The following CADM2 variants were observed in gnomAD, a reference collection of about 807,000 sequenced individuals.
CADM2 encodes immunoglobulin superfamily member 4D.
In CADM2, 12 loss-of-function variants were observed where a neutral mutation model predicts 49.8. That is an observed-to-expected ratio of 0.24 (90% confidence interval 0.15 to 0.39). The LOEUF is 0.39. Ranked by LOEUF, CADM2 falls within the 10% of genes least tolerant of loss-of-function variation. The pLI, the probability that CADM2 is intolerant of heterozygous loss-of-function variation, is 1.00. For missense variants in CADM2, 378 were observed against 492.3 expected, an observed-to-expected ratio of 0.77 and a Z score of 2.20; for synonymous variants, 214 against 175.4, an observed-to-expected ratio of 1.22 and a Z score of -1.74.
At chr3:85,865,270 G>A (rs367688516) in intron 3 of CADM2, among the ~76,000 whole-genome samples, 36 of 152,236 alleles carry the variant, frequency 2.4e-4, no homozygotes, top group African/African-American at 8.7e-4. Flanking sequence ...TCACTCCCTC[G>A]GAACAAACTT....
chr3:85,308,890 T>C (rs764743575), intron 1 of CADM2, among the ~76,000 whole-genome samples: 7 of 152,114 alleles, frequency 4.6e-5, no homozygotes, highest in Non-Finnish European at 8.8e-5. Flanking sequence ...AATAGAAGGA[T>C]ATCCTTAGCA....
chr3:85,538,153 G>T (rs190423132), intron 1 of CADM2, among the ~76,000 whole-genome samples: 55 of 152,192 alleles, frequency 3.6e-4, no homozygotes, highest in Non-Finnish European at 6.6e-4. Context: ...GGGTTATGTG[G>T]TGAATATTTA....
intron 2 of CADM2, among the ~76,000 whole-genome samples, chr3:85,769,988 C>CA (rs148480114): frequency 0.054 from 8,086 of 150,680 alleles, 373 homozygotes; most frequent in East Asian, 0.19. Context: ...ATATATGATT[C>CA]AAAAAACAAA....
intron 1 of CADM2, among the ~76,000 whole-genome samples, chr3:84,998,793 T>C (rs2033308135): frequency 6.6e-6 from 1 of 152,140 alleles, no homozygotes; most frequent in Non-Finnish European, 1.5e-5. Context: ...TTTGCTAATC[T>C]CAATTTGGCA....
In CADM2 at chr3:85,543,520, G is replaced by A. The variant is rs184939176; in HGVS notation, c.62-183002G>A. Among the ~76,000 whole-genome samples, 11 of 151,466 alleles carry A rather than the reference G, an allele frequency of 7.3e-5. No individual in the cohort carries two copies. In the East Asian group the frequency reaches 2.0e-3, roughly 27 times the overall value. Reference sequence around the variant, plus strand: ...GCTGGTCTCAATCTCCTGACCTCAGGCAATCCACCTGCCTTGGCCTCCCAA... The same window carrying A: ...GCTGGTCTCAATCTCCTGACCTCAGACAATCCACCTGCCTTGGCCTCCCAA... On this transcript the variant is annotated intron_variant, in intron 1 of 9. Coordinates refer to ENST00000383699, the MANE Select transcript of CADM2 (RefSeq NM_001167675.2).
chr3:85,263,269 A>T lies in CADM2; in HGVS notation c.61+303601A>T, dbSNP rs148903011. On this transcript the variant is annotated intron_variant, in intron 1 of 9. Transcript: ENST00000383699. ...TGGCCTCCCAAAGTGCTAGAATTACAGACATAAGCCACCGCACCCAGCCTG... is the reference window on the plus strand; with the variant it reads ...TGGCCTCCCAAAGTGCTAGAATTACTGACATAAGCCACCGCACCCAGCCTG... Among the ~76,000 whole-genome samples, 320 of 152,242 alleles carry T rather than the reference A, an allele frequency of 2.1e-3. 4 individuals carry two copies. The highest frequency in any genetic ancestry group is 0.017 in the Admixed American group (262 of 15,272).
rs752550127 is a variant in CADM2 at position 85,897,241 on chromosome 3, C to CTTTTTTTTTTTTTTTTTTTTTTTT, written c.529+10930_529+10953dup. Among the ~76,000 whole-genome samples the CTTTTTTTTTTTTTTTTTTTTTTTT allele has an allele frequency of 6.5e-5, 3 of 45,924 alleles. 1 individual carries two copies. Among genetic ancestry groups the CTTTTTTTTTTTTTTTTTTTTTTTT allele is most frequent in the Non-Finnish European group, 9.1e-5 (2 of 21,886 alleles). The allele number at this position is 45,924 out of a possible 152,430, so 30.1% of individuals were successfully genotyped here. Reference sequence around the variant, plus strand: ...CAACAATAATTGCTTTAACCTACATCTTTTTTTTTTTTTTTTTTTTTTTTT... The same window carrying CTTTTTTTTTTTTTTTTTTTTTTTT: ...CAACAATAATTGCTTTAACCTACATCTTTTTTTTTTTTTTTTTTTTTTTTTTTTTTTTTTTTTTTTTTTTTTTTT... On this transcript the variant is annotated intron_variant, in intron 5 of 9. Transcript: ENST00000383699.
intron 1 of CADM2, among the ~76,000 whole-genome samples, chr3:85,464,042 G>A (rs1216475004): frequency 6.6e-6 from 1 of 152,082 alleles, no homozygotes; most frequent in Non-Finnish European, 1.5e-5. Context: ...CCATGATGCA[G>A]TATGAGCAAT....
intron 1 of CADM2, among the ~76,000 whole-genome samples, chr3:85,283,675 A>T (rs2043559251): frequency 6.6e-6 from 1 of 152,080 alleles, no homozygotes; most frequent in African/African-American, 2.4e-5. Context: ...GTGTGAGATG[A>T]TTGAATAAAA....
At chr3:86,059,852 G>A (rs1161341253) in intron 8 of CADM2, among the ~76,000 whole-genome samples, 2 of 151,982 alleles carry the variant, frequency 1.3e-5, no homozygotes, top group Non-Finnish European at 2.9e-5. Context: ...AACTTAAGGA[G>A]AGGCTCTTAG....
intron 1 of CADM2, among the ~76,000 whole-genome samples, chr3:85,206,354 C>G (rs577133193): frequency 1.1e-4 from 16 of 146,686 alleles, no homozygotes; most frequent in African/African-American, 4.0e-4. Flanking sequence ...GTCACCCAGG[C>G]TGGAGTGCAG....
At chr3:85,307,169 ATG>A (rs1342090079) in intron 1 of CADM2, among the ~76,000 whole-genome samples, 1 of 151,552 alleles carries the variant, frequency 6.6e-6, no homozygotes, top group African/African-American at 2.4e-5. Flanking sequence ...GCATATATAT[ATG>A]TGTGGTTATG....
intron 1 of CADM2, among the ~76,000 whole-genome samples, chr3:85,688,226 G>A (rs919625948): frequency 9.9e-5 from 15 of 152,064 alleles, no homozygotes; most frequent in African/African-American, 1.7e-4. Context: ...AGATAGGACC[G>A]TTTGCATATA....
intron 1 of CADM2, among the ~76,000 whole-genome samples, chr3:85,149,111 A>ATTT (rs1359956457): frequency 7.8e-4 from 116 of 149,346 alleles, no homozygotes; most frequent in African/African-American, 2.9e-3. Flanking sequence ...TTTTTTTTTA[A>ATTT]AAAAATCAAT....
chr3:85,857,175 A>T (rs1441443740), intron 3 of CADM2, among the ~76,000 whole-genome samples: 1 of 152,098 alleles, frequency 6.6e-6, no homozygotes, highest in African/African-American at 2.4e-5. Flanking sequence ...TCCCATTCAT[A>T]AGGGTTCCAC....
At chr3:85,816,388 C>T (rs954739355) in intron 3 of CADM2, among the ~76,000 whole-genome samples, 3 of 151,996 alleles carry the variant, frequency 2.0e-5, no homozygotes, top group Non-Finnish European at 2.9e-5. Flanking sequence ...CTCTACTGTG[C>T]TTTGAGTTAT....
At chr3:85,187,842 A>AC (rs199539391) in intron 1 of CADM2, among the ~76,000 whole-genome samples, 2,767 of 152,108 alleles carry the variant, frequency 0.018, 38 homozygotes, top group Middle Eastern at 0.059. Flanking sequence ...AATAACAAAT[A>AC]CTTTTTTTTC....
At chr3:85,259,371 C>G (rs948923182) in intron 1 of CADM2, among the ~76,000 whole-genome samples, 2 of 150,276 alleles carry the variant, frequency 1.3e-5, no homozygotes, top group Admixed American at 1.3e-4. Context: ...TTTTCCTAAT[C>G]ATTTCTGATG....
chr3:85,979,914 T>G (rs1412701263), intron 8 of CADM2, among the ~76,000 whole-genome samples: 1 of 151,548 alleles, frequency 6.6e-6, no homozygotes, highest in Admixed American at 6.6e-5. Context: ...ATTATACAAA[T>G]AAGAATTTTA....
Sources: gnomAD v4.1 joint callset for allele counts (sites outside exome capture counted in the v4.1 genomes callset) on GRCh38, gnomAD v4.1.1 for gene constraint, MANE v1.5 for transcripts, NCBI Gene and HGNC (gene_info 2026-07-23, HGNC 2026-07-21) for gene names.